Variants in MRC1 observed in about 807,000 individuals in gnomAD.
MRC1 encodes the protein mannose receptor C-type 1, also known as macrophage mannose receptor 1.
MRC1 carries 62 observed loss-of-function variants against 102.9 expected under a neutral mutation model. That is an observed-to-expected ratio of 0.60 (90% CI 0.49 to 0.74). MRC1 has a LOEUF of 0.74. MRC1 is among the 30% of genes least tolerant of loss of function. The probability of loss-of-function intolerance (pLI) is 0.00; values close to 1 mark genes in which losing one functional copy is unlikely to be tolerated. For synonymous variants in MRC1, 457 were observed against 298.4 expected, an observed-to-expected ratio of 1.53 and a Z score of -5.48; for missense variants, 1,237 against 862.8, an observed-to-expected ratio of 1.43 and a Z score of -5.43.
At chr10:17,837,421 G>A (rs1353232558) in intron 4 of MRC1, among the ~76,000 whole-genome samples, 1 of 152,198 alleles carries the variant, frequency 6.6e-6, no homozygotes, top group Non-Finnish European at 1.5e-5. Context: ...AGAAAGGGAT[G>A]ATACTCAGTG....
intron 1 of MRC1, 29 bp downstream of exon 1, chr10:17,809,555 T>G: frequency 2.3e-6 from 2 of 872,168 alleles, no homozygotes; most frequent in Non-Finnish European, 4.0e-6. Context: ...AGGGGATCTC[T>G]GACCTGGGGG....
chr10:17,907,127 A>G (rs1341397530), intron 27 of MRC1, 128 bp downstream of exon 27: 3 of 689,808 alleles, frequency 4.3e-6, no homozygotes, highest in Non-Finnish European at 7.9e-6. Context: ...ATTCAAACTC[A>G]TATTTTTATT....
chr10:17,850,271 A>G (rs1838894313), intron 7 of MRC1, among the ~76,000 whole-genome samples: 1 of 20,104 alleles, frequency 5.0e-5, no homozygotes, highest in South Asian at 1.7e-3. Context: ...TTTTTTTTTG[A>G]AATGGTTAGA....
intron 1 of MRC1, among the ~76,000 whole-genome samples, chr10:17,813,368 T>C (rs1838254499): frequency 6.6e-6 from 1 of 152,186 alleles, no homozygotes; most frequent in African/African-American, 2.4e-5. Context: ...ATTTCCCTCG[T>C]TGAAATGCTA....
intron 8 of MRC1, among the ~76,000 whole-genome samples, chr10:17,853,952 T>G (rs797039412): frequency 0.85 from 129,803 of 151,954 alleles, 55,471 homozygotes; most frequent in Non-Finnish European, 0.87. Flanking sequence ...GGTTTTTTTT[T>G]TTGTTGTTGT....
intron 11 of MRC1, 137 bp downstream of exon 11, chr10:17,863,819 C>T (rs1833222211): frequency 4.6e-6 from 3 of 654,386 alleles, no homozygotes; most frequent in Admixed American, 2.6e-5. Context: ...ATTTCATTCT[C>T]TTTTCGTTTT....
chr10:17,825,074 A>G (rs1564610652), intron 2 of MRC1, among the ~76,000 whole-genome samples: 1 of 144,110 alleles, frequency 6.9e-6, no homozygotes, highest in Non-Finnish European at 1.5e-5. Context: ...CATTTTGCAT[A>G]CTCCCCAAAG....
chr10:17,823,804 T>G (rs1165386041), intron 2 of MRC1, among the ~76,000 whole-genome samples: 1 of 152,256 alleles, frequency 6.6e-6, no homozygotes, highest in Non-Finnish European at 1.5e-5. Context: ...AGCCTCCTAG[T>G]TAACATTATA....
chr10:17,889,803 A>T (rs910698247), intron 22 of MRC1, among the ~76,000 whole-genome samples: 1 of 152,224 alleles, frequency 6.6e-6, no homozygotes, highest in African/African-American at 2.4e-5. Flanking sequence ...TTAGTATATT[A>T]TTCATAGTTG....
At chr10:17,836,448 A>G (rs1554839476) in intron 4 of MRC1, among the ~76,000 whole-genome samples, 1 of 152,220 alleles carries the variant, frequency 6.6e-6, no homozygotes, top group Admixed American at 6.5e-5. Flanking sequence ...AGAATAGACA[A>G]AAGTAAATTT....
At chr10:17,809,696 G>A (rs911601766) in intron 1 of MRC1, among the ~76,000 whole-genome samples, 170 bp downstream of exon 1, 15 of 152,198 alleles carry the variant, frequency 9.9e-5, no homozygotes, top group African/African-American at 3.6e-4. Flanking sequence ...TGGCGGCCAG[G>A]CATGGGAGGC....
chr10:17,839,245 G>T (rs1343299490), intron 4 of MRC1, among the ~76,000 whole-genome samples: 1 of 152,150 alleles, frequency 6.6e-6, no homozygotes, highest in African/African-American at 2.4e-5. Flanking sequence ...TTCTCATGAT[G>T]CCAAACATAG....
At chr10:17,900,218 A>C (rs1326608956) in intron 24 of MRC1, among the ~76,000 whole-genome samples, 1 of 151,998 alleles carries the variant, frequency 6.6e-6, no homozygotes, top group Non-Finnish European at 1.5e-5. Flanking sequence ...AATATAGCTG[A>C]AAGACTGCCT....
chr10:17,823,797 C>T (rs1838433872), intron 2 of MRC1, among the ~76,000 whole-genome samples: 1 of 152,150 alleles, frequency 6.6e-6, no homozygotes, highest in African/African-American at 2.4e-5. Flanking sequence ...GACCCAAAGC[C>T]TCCTAGTTAA....
chr10:17,838,780 C>T (rs1386618248), intron 4 of MRC1, among the ~76,000 whole-genome samples: 1 of 152,090 alleles, frequency 6.6e-6, no homozygotes, highest in East Asian at 1.9e-4. Flanking sequence ...TCGAGATCAG[C>T]CTGGGCACTA....
Position 17,856,334 on chromosome 10 carries a change from C to A in MRC1, c.1500C>A (p.Val500=), listed in dbSNP as rs1283476394. The A allele has an allele frequency of 8.2e-6, 7 of 855,992 alleles. No homozygotes were observed. Among genetic ancestry groups the A allele is most frequent in the Non-Finnish European group, 1.4e-5 (7 of 493,354 alleles). 53.0% of individuals were successfully genotyped at this position (855,992 alleles called of 1,614,324 possible). ...SRSQGPEIVE[V]EKGCRKGWKK... ...GCCAAGGTCCAGAAATAGTGGAAGT[C>A]GAAAAAGGCTGCAGGAAAGTGAGTG... is the stretch of plus-strand genomic sequence containing the variant. The change falls in exon 9 of 30, where the codon GTC becomes GTA. Residue 500 remains valine (V), a synonymous_variant. Coordinates refer to ENST00000569591, the MANE Select transcript of MRC1 (RefSeq NM_002438.4).
At chr10:17,812,600 C>A (rs1350035545) in intron 1 of MRC1, among the ~76,000 whole-genome samples, 1 of 122,384 alleles carries the variant, frequency 8.2e-6, no homozygotes, top group Non-Finnish European at 1.6e-5. Context: ...GAGATGGAGT[C>A]TCTCTCTGTC....
At chr10:17,841,719 C>T (rs970868727) in intron 5 of MRC1, among the ~76,000 whole-genome samples, 27 of 151,546 alleles carry the variant, frequency 1.8e-4, no homozygotes, top group African/African-American at 6.1e-4. Context: ...AATCCCCACC[C>T]CTCAATCCCA....
chr10:17,886,915 A>G (rs1251243226), intron 22 of MRC1, among the ~76,000 whole-genome samples: 2 of 152,190 alleles, frequency 1.3e-5, no homozygotes, highest in African/African-American at 4.8e-5. Context: ...TAGAATTTAG[A>G]GAAATGTAGA....
Sources: allele counts gnomAD v4.1 joint callset (sites outside exome capture counted in the v4.1 genomes callset), GRCh38; gene constraint gnomAD v4.1.1; transcripts MANE v1.5; gene names NCBI Gene and HGNC (gene_info 2026-07-23, HGNC 2026-07-21).